The following ANKH variants were observed in gnomAD, a reference collection of about 807,000 sequenced individuals.
ANKH encodes ANKH inorganic pyrophosphate transport regulator.
ANKH carries 15 observed loss-of-function variants against 49.0 expected under a neutral mutation model. The observed-to-expected ratio is 0.31, with a 90% confidence interval of 0.20 to 0.47. ANKH has a LOEUF of 0.47. ANKH is among the 20% of genes least tolerant of loss of function. ANKH has a pLI of 1.00. For missense variants in ANKH, 429 were observed against 652.0 expected (o/e 0.66, Z 3.72); for synonymous variants, 273 against 260.0 (o/e 1.05, Z -0.48).
intron 5 of ANKH, among the ~76,000 whole-genome samples, chr5:14,750,160 G>A (rs928996491): frequency 9.2e-5 from 14 of 152,214 alleles, no homozygotes; most frequent in Non-Finnish European, 1.6e-4. Flanking sequence ...AGTAATGTGC[G>A]GCCCAAGTAG....
intron 1 of ANKH, among the ~76,000 whole-genome samples, chr5:14,824,043 G>A (rs1175983175): frequency 6.6e-6 from 1 of 152,046 alleles, no homozygotes; most frequent in Non-Finnish European, 1.5e-5. Flanking sequence ...CCCCAACCAA[G>A]AGTCTGCAGA....
intron 1 of ANKH, chr5:14,871,124 A>G (rs1306395059): frequency 3.1e-6 from 2 of 649,330 alleles, no homozygotes; most frequent in Middle Eastern, 2.4e-4. Flanking sequence ...CACACCATCC[A>G]GTCTTTTTAA....
chr5:14,768,542 C>A, intron 2 of ANKH: 1 of 240,578 alleles, frequency 4.2e-6, no homozygotes, highest in South Asian at 5.5e-5. Flanking sequence ...GAATAAGATC[C>A]TAGAACAAAT....
chr5:14,743,932 A>T (rs1044455115), intron 7 of ANKH, among the ~76,000 whole-genome samples: 2 of 152,238 alleles, frequency 1.3e-5, no homozygotes, highest in African/African-American at 4.8e-5. Flanking sequence ...GTGGCCAAAA[A>T]TAATCTCAGA....
intron 8 of ANKH, among the ~76,000 whole-genome samples, chr5:14,740,699 C>G (rs1738326478): frequency 6.6e-6 from 1 of 152,150 alleles, no homozygotes. Context: ...TTCAAAATGT[C>G]CATTAAAGGT....
chr5:14,792,975 C>CATATATATATATAAATAT (rs1740217058), intron 1 of ANKH, among the ~76,000 whole-genome samples: 3 of 102,782 alleles, frequency 2.9e-5, no homozygotes, highest in Non-Finnish European at 5.6e-5. Context: ...GAAACTCCAT[C>CATATATATATATAAATAT]ATATATATAT....
intron 8 of ANKH, chr5:14,724,467 C>T (rs1000569035): frequency 8.6e-6 from 7 of 817,712 alleles, no homozygotes; most frequent in Non-Finnish European, 8.9e-6. Context: ...AAACTTTGAC[C>T]ACATATTAAG....
intron 1 of ANKH, among the ~76,000 whole-genome samples, chr5:14,776,829 TTTAGA>T (rs749218538): frequency 3.7e-4 from 57 of 152,292 alleles, no homozygotes; most frequent in Middle Eastern, 3.4e-3. Context: ...GTAAAGACAC[TTTAGA>T]TTAGAGCCAG....
chr5:14,771,948 C>CCAAAA (rs1448180492), intron 1 of ANKH, among the ~76,000 whole-genome samples: 2 of 126,282 alleles, frequency 1.6e-5, no homozygotes, highest in African/African-American at 6.3e-5. Context: ...AAAAAAAAAA[C>CCAAAA]CAAAACAAAA....
chr5:14,722,718 TG>T (rs1275668448), intron 8 of ANKH, among the ~76,000 whole-genome samples: 1 of 152,216 alleles, frequency 6.6e-6, no homozygotes, highest in African/African-American at 2.4e-5. Flanking sequence ...ACAAATGTCC[TG>T]CACAGAACTC....
intron 8 of ANKH, among the ~76,000 whole-genome samples, chr5:14,718,832 C>CA (rs1256814277): frequency 3.5e-5 from 5 of 142,412 alleles, no homozygotes; most frequent in African/African-American, 1.3e-4. Flanking sequence ...CAACACCACC[C>CA]CCCCCCCAAA....
intron 1 of ANKH, among the ~76,000 whole-genome samples, chr5:14,798,703 T>C (rs1453734760): frequency 6.6e-6 from 1 of 152,156 alleles, no homozygotes; most frequent in African/African-American, 2.4e-5. Context: ...TTTAATTGTT[T>C]TGGGACACCA....
Position 14,706,816 on chromosome 5 carries a change from A to G in ANKH, c.*4381T>C, listed in dbSNP as rs1736959614. The G allele has an allele frequency of 1.3e-5, 2 of 152,298 alleles. No individual in the cohort carries two copies. Among genetic ancestry groups the G allele is most frequent in the Admixed American group, 1.3e-4 (2 of 15,304 alleles). 9.4% of individuals were successfully genotyped at this position (152,298 alleles called of 1,614,324 possible). A position where few individuals can be genotyped will look rare whatever the true frequency, so the allele number is the denominator to read the frequency against. On this transcript the variant is annotated 3_prime_UTR_variant, in exon 12 of 12. Coordinates refer to ENST00000284268, the MANE Select transcript of ANKH (RefSeq NM_054027.6). ...ATAACCACACAGAGGAGTATCCCAGACACGTTGCTCAAAAACATGCTTTCC... is the reference window on the plus strand; with the variant it reads ...ATAACCACACAGAGGAGTATCCCAGGCACGTTGCTCAAAAACATGCTTTCC...
At chr5:14,724,404 G>T (rs140727672) in intron 8 of ANKH, 23 of 240,292 alleles carry the variant, frequency 9.6e-5, no homozygotes, top group African/African-American at 4.4e-4. Context: ...CTGTGTTGGG[G>T]CAGTACTTGA....
intron 1 of ANKH, among the ~76,000 whole-genome samples, chr5:14,867,933 C>G (rs1455173682): frequency 6.6e-6 from 1 of 152,162 alleles, no homozygotes; most frequent in East Asian, 1.9e-4. Context: ...CCTCAAATTA[C>G]TGCCACTACC....
At chr5:14,729,612 G>T (rs1321266734) in intron 8 of ANKH, among the ~76,000 whole-genome samples, 1 of 152,114 alleles carries the variant, frequency 6.6e-6, no homozygotes, top group Non-Finnish European at 1.5e-5. Context: ...CTACCTGCCA[G>T]CTGTGCCTTC....
intron 1 of ANKH, among the ~76,000 whole-genome samples, chr5:14,808,234 AT>A (rs888229247): frequency 8.6e-5 from 13 of 151,086 alleles, no homozygotes; most frequent in East Asian, 6.1e-4. Flanking sequence ...TTCTTCCAGC[AT>A]TTTTTTCTAC....
At chr5:14,852,395 CACA>C (rs79062859) in intron 1 of ANKH, among the ~76,000 whole-genome samples, 33,573 of 152,062 alleles carry the variant, frequency 0.22, 4,554 homozygotes, top group Admixed American at 0.32. Context: ...ATGATTAGGT[CACA>C]ACAAATTACA....
chr5:14,821,778 G>C (rs1741202958), intron 1 of ANKH, among the ~76,000 whole-genome samples: 1 of 152,176 alleles, frequency 6.6e-6, no homozygotes, highest in South Asian at 2.1e-4. Context: ...GGCAACAGTA[G>C]AACCAGATAA....
Sources: gnomAD v4.1 joint callset for allele counts (sites outside exome capture counted in the v4.1 genomes callset) on GRCh38, gnomAD v4.1.1 for gene constraint, MANE v1.5 for transcripts, NCBI Gene and HGNC (gene_info 2026-07-23, HGNC 2026-07-21) for gene names.